SLC11A2: variants seen among roughly 807,000 people sequenced by gnomAD.
The protein encoded by SLC11A2 is natural resistance-associated macrophage protein 2.
A neutral mutation model predicts 68.0 loss-of-function variants in SLC11A2; 38 were observed. The ratio of observed to expected loss-of-function variants is 0.56; its 90% CI spans 0.43 to 0.73. The LOEUF is 0.73. Ranked by LOEUF, SLC11A2 falls within the 30% of genes least tolerant of loss-of-function variation. The pLI is 0.00. For missense variants in SLC11A2, 517 were observed against 690.5 expected (o/e 0.75, Z 2.82); for synonymous variants, 242 against 250.6 (o/e 0.97, Z 0.32).
chr12:50,970,373 A>T, the SLC11A2 span: 1 of 819,486 alleles, frequency 1.2e-6, no homozygotes, highest in African/African-American at 1.7e-5. Context: ...ATAAAAATAC[A>T]ACAAGTGGAA....
At chr12:51,016,065 G>GAGCC (rs1943625895) in intron 1 of SLC11A2, among the ~76,000 whole-genome samples, 1 of 151,800 alleles carries the variant, frequency 6.6e-6, no homozygotes, top group East Asian at 1.9e-4. Flanking sequence ...TTACAGGCGT[G>GAGCC]AGCCACCATG....
the SLC11A2 span, among the ~76,000 whole-genome samples, chr12:50,963,204 T>C: frequency 6.6e-6 from 1 of 151,432 alleles, no homozygotes; most frequent in East Asian, 1.9e-4. Context: ...ACCCCATCTC[T>C]ACTTAAAATA....
chr12:51,025,631 C>T, intron 1 of SLC11A2: 1 of 425,502 alleles, frequency 2.4e-6, no homozygotes, highest in Non-Finnish European at 3.1e-6. Flanking sequence ...AAAGTGGGGA[C>T]ACATGAAACG....
At chr12:50,972,175 C>A in the SLC11A2 span, among the ~76,000 whole-genome samples, 1 of 152,188 alleles carries the variant, frequency 6.6e-6, no homozygotes, top group Non-Finnish European at 1.5e-5. Context: ...AAAAGTATTT[C>A]TAACCAGGCC....
At chr12:51,003,408 T>A (rs1942440792) in intron 5 of SLC11A2, among the ~76,000 whole-genome samples, 1 of 151,198 alleles carries the variant, frequency 6.6e-6, no homozygotes, top group Admixed American at 6.6e-5. Context: ...TGGTGGCACG[T>A]GGCTGTAATC....
chr12:50,960,273 G>T, the SLC11A2 span, among the ~76,000 whole-genome samples: 1 of 152,040 alleles, frequency 6.6e-6, no homozygotes, highest in Middle Eastern at 3.4e-3. Flanking sequence ...CACTCTACTG[G>T]GTTTACTCCT....
At chr12:50,959,222 CGA>C in the SLC11A2 span, among the ~76,000 whole-genome samples, 104 of 151,728 alleles carry the variant, frequency 6.9e-4, no homozygotes, top group Non-Finnish European at 6.8e-4. Flanking sequence ...CGGGTTCAAG[CGA>C]TTCTCCTGCC....
At chr12:51,011,730 T>G (rs1387771386) in intron 1 of SLC11A2, among the ~76,000 whole-genome samples, 8 of 151,784 alleles carry the variant, frequency 5.3e-5, no homozygotes, top group Non-Finnish European at 1.2e-4. Context: ...GCCTGGCTAA[T>G]TTTTGTATTT....
At chr12:50,975,046 C>T (rs182988012), downstream of SLC11A2, among the ~76,000 whole-genome samples, 1,249 of 152,254 alleles carry the variant, frequency 8.2e-3, 17 homozygotes, top group African/African-American at 0.029. Context: ...TAATGGGAGA[C>T]TTTAACACCC....
chr12:50,968,429 C>A, the SLC11A2 span, among the ~76,000 whole-genome samples: 1 of 151,904 alleles, frequency 6.6e-6, no homozygotes, highest in African/African-American at 2.4e-5. Context: ...GCTCTGTCAT[C>A]CGGCTGGCGT....
At chr12:50,958,570 C>T in the SLC11A2 span, among the ~76,000 whole-genome samples, 22,106 of 151,484 alleles carry the variant, frequency 0.15, 1,856 homozygotes, top group South Asian at 0.26. Context: ...CGTGAGCCAC[C>T]GCGCCCGGCC....
At chr12:50,977,413 C>T (rs1008242484), downstream of SLC11A2, among the ~76,000 whole-genome samples, 20 of 152,162 alleles carry the variant, frequency 1.3e-4, no homozygotes, top group South Asian at 2.3e-3. Context: ...CCCTATTTAA[C>T]AAATGGTGCT....
At chr12:50,990,360 C>A (rs1476402687) in intron 15 of SLC11A2, among the ~76,000 whole-genome samples, 8 of 152,088 alleles carry the variant, frequency 5.3e-5, no homozygotes, top group African/African-American at 1.9e-4. Context: ...TACTGCTACC[C>A]TTCTTTTAGT....
At position 51,008,623 on chromosome 12, in the gene SLC11A2, G is replaced by T; in HGVS notation, c.36C>A (p.Asp12Glu). Reference protein sequence around the residue: ...VLGPEQKMSDDSVSGDHGESA... With the variant: ...VLGPEQKMSDESVSGDHGESA... ...ACTCCCCATGATCTCCAGAAACACT[G>T]TCTGAATTAACAGATTTGAAAATAA... The change falls in exon 3 of 16, where the codon GAC becomes GAA. Residue 12 changes from aspartate to glutamate, a missense_variant and splice_region_variant. By Grantham distance (45) the Asp-to-Glu change is conservative. Coordinates refer to ENST00000262052, the MANE Select transcript of SLC11A2 (RefSeq NM_000617.3). 1 of 1,610,164 alleles carries T rather than the reference G, an allele frequency of 6.2e-7. No individual in the cohort carries two copies. The highest frequency in any genetic ancestry group is 8.5e-7 in the Non-Finnish European group (1 of 1,176,536).
intron 1 of SLC11A2, among the ~76,000 whole-genome samples, chr12:51,020,383 A>T (rs1052884531): frequency 2.0e-5 from 3 of 152,178 alleles, no homozygotes; most frequent in African/African-American, 7.2e-5. Flanking sequence ...CAGAAAAAAA[A>T]AGTCAGGTTG....
chr12:51,011,250 TC>T (rs1336696338), intron 1 of SLC11A2, among the ~76,000 whole-genome samples: 1 of 151,602 alleles, frequency 6.6e-6, no homozygotes, highest in Non-Finnish European at 1.5e-5. Context: ...TGCCTCAGCC[TC>T]CCGAGTAGCT....
In SLC11A2 at chr12:50,990,893, A is replaced by G. The variant is rs755660977; in HGVS notation, c.1477T>C (p.Tyr493His). ...LVLIICSINM[Y>H]FVVVYVRDLG... is the part of the protein sequence containing the mutation. ...TCCCGGACATAAACCACTACAAAGT[A>G]CATATTGATGGAACAGATGATAAGG... The change falls in exon 15 of 16, where the codon TAC becomes CAC. Residue 493 changes from tyrosine (Y) to histidine (H), a missense_variant. Transcript: ENST00000262052. The G allele has an allele frequency of 7.4e-6, 12 of 1,613,952 alleles. No individual in the cohort carries two copies. The highest frequency in any genetic ancestry group is 1.0e-5 in the Non-Finnish European group (12 of 1,179,922).
the SLC11A2 span, among the ~76,000 whole-genome samples, chr12:50,968,686 CA>C: frequency 6.6e-6 from 1 of 152,014 alleles, no homozygotes; most frequent in Non-Finnish European, 1.5e-5. Context: ...GGATTACAGG[CA>C]CCCGTCACCA....
At chr12:51,008,136 T>C (rs1318613842) in intron 3 of SLC11A2, 1 of 198,578 alleles carries the variant, frequency 5.0e-6, no homozygotes, top group East Asian at 1.2e-4. Flanking sequence ...CCCCAGGAAT[T>C]CAAGGCTACA....
Sources: allele counts gnomAD v4.1 joint callset (sites outside exome capture counted in the v4.1 genomes callset), GRCh38; gene constraint gnomAD v4.1.1; transcripts MANE v1.5; gene names NCBI Gene and HGNC (gene_info 2026-07-23, HGNC 2026-07-21).